The following PCDHA7 variants were observed in gnomAD, a reference collection of about 807,000 sequenced individuals.
PCDHA7 encodes the protein protocadherin alpha-7.
In PCDHA7, 37 loss-of-function variants were observed where a neutral mutation model predicts 57.2. The observed-to-expected ratio is 0.65, with a 90% CI of 0.50 to 0.85. The LOEUF (loss-of-function observed/expected upper bound fraction) is 0.85. PCDHA7 is among the 40% of genes least tolerant of loss of function. PCDHA7 has a pLI of 0.00. For synonymous variants in PCDHA7, 553 were observed against 558.8 expected (o/e 0.99, Z 0.15); for missense variants, 1,188 against 1,241.8 (o/e 0.96, Z 0.65).
intron 1 of PCDHA7, among the ~76,000 whole-genome samples, chr5:140,921,213 G>A (rs759293646): frequency 1.3e-5 from 2 of 151,378 alleles, no homozygotes; most frequent in East Asian, 1.9e-4. Context: ...GATAATTCAC[G>A]TCTTTTTTGC....
chr5:140,863,011 C>T (rs782711409), intron 1 of PCDHA7: 2 of 552,132 alleles, frequency 3.6e-6, no homozygotes, highest in Admixed American at 1.9e-5. Flanking sequence ...CCAGCTATGA[C>T]GCCTGGTTGT....
chr5:140,979,882 A>C (rs1554241172), intron 2 of PCDHA7, among the ~76,000 whole-genome samples: 1 of 152,274 alleles, frequency 6.6e-6, no homozygotes, highest in Non-Finnish European at 1.5e-5. Context: ...TATCAAGTGA[A>C]TATTCACCAA....
intron 1 of PCDHA7, chr5:140,967,457 G>A: frequency 6.2e-7 from 1 of 1,613,614 alleles, no homozygotes; most frequent in Non-Finnish European, 8.5e-7. Context: ...CACAGCCGTG[G>A]ATGGGGGCAT....
chr5:140,839,049 A>G (rs943525046), intron 1 of PCDHA7, among the ~76,000 whole-genome samples: 2 of 152,062 alleles, frequency 1.3e-5, no homozygotes, highest in African/African-American at 4.8e-5. Context: ...TTCAACGTGA[A>G]TAAGGATAGA....
chr5:140,843,462 C>G (rs2150360645), intron 1 of PCDHA7: 5 of 1,596,046 alleles, frequency 3.1e-6, no homozygotes, highest in Non-Finnish European at 3.4e-6. Flanking sequence ...CTGGTGCTCA[C>G]GCTGCTGCTG....
chr5:140,980,933 C>G (rs1376814777), intron 2 of PCDHA7, among the ~76,000 whole-genome samples: 1 of 152,120 alleles, frequency 6.6e-6, no homozygotes, highest in African/African-American at 2.4e-5. Flanking sequence ...CTGCTTTGAG[C>G]TGAGCTGGCT....
At position 140,883,249 on chromosome 5, in the gene PCDHA7, T is replaced by A. The variant is rs145815075; in HGVS notation, c.2355+46511T>A. On this transcript the variant is annotated intron_variant, in intron 1 of 3. Transcript: ENST00000525929. ...CCGTGGAGGCAGTTGACAAAGGAAA[T>A]ATTCCAATGGCGGGTCATTGTACCC... The A allele has an allele frequency of 5.1e-4, 830 of 1,613,870 alleles. 7 individuals carry two copies. In the African/African-American group the frequency reaches 9.0e-3, roughly 18 times the overall value.
Position 140,887,790 on chromosome 5 carries a change from T to C in PCDHA7, c.2355+51052T>C, listed in dbSNP as rs564215639. On this transcript the variant is annotated intron_variant, in intron 1 of 3. Coordinates refer to ENST00000525929, the MANE Select transcript of PCDHA7 (RefSeq NM_018910.3). ...ACAATGACACAGGTCATTGAAGCGT[T>C]CTTTATTTTTGTCCATTTCTTTCTC... Among the ~76,000 whole-genome samples, 4 of 152,288 alleles carry C rather than the reference T, an allele frequency of 2.6e-5. No individual in the cohort carries two copies. The East Asian group carries it at 7.7e-4, about 29-fold the overall frequency.
At position 140,843,722 on chromosome 5, in the gene PCDHA7, C is replaced by T. The variant is rs2150365613; in HGVS notation, c.2355+6984C>T. ...TGTTGATCATGGCCTCAAAGTAAGT[C>T]CATTTAAATTTAGAACTCATAAATT... On this transcript the variant is annotated intron_variant, in intron 1 of 3. Coordinates refer to ENST00000525929, the MANE Select transcript of PCDHA7 (RefSeq NM_018910.3). 2.4e-4 allele frequency: 371 copies of T among 1,561,926 alleles called. 35 individuals carry two copies. The highest frequency in any genetic ancestry group is 1.3e-3 in the East Asian group (56 of 44,658).
Position 140,857,721 on chromosome 5 carries a change from AC to A in PCDHA7, c.2355+20984del, listed in dbSNP as rs1554150568. ...CTGCAGGTGTTCGTGCTGGACGAGA[AC>A]GACAACGCTCCCGCGCTGCTGGCGT... On this transcript the variant is annotated intron_variant, in intron 1 of 3. Transcript: ENST00000525929. 4.4e-6 allele frequency: 7 copies of A among 1,597,360 alleles called. 1 individual carries two copies. In the Admixed American group the frequency reaches 1.0e-4, roughly 23 times the overall value.
intron 1 of PCDHA7, among the ~76,000 whole-genome samples, chr5:140,975,810 A>T (rs1310331964): frequency 7.4e-6 from 1 of 134,690 alleles, no homozygotes; most frequent in African/African-American, 2.5e-5. Context: ...TTATAATTTT[A>T]ATAGGAACTG....
chr5:140,882,331 C>A, intron 1 of PCDHA7: 1 of 1,614,214 alleles, frequency 6.2e-7, no homozygotes, highest in South Asian at 1.1e-5. Context: ...TTCTGATCCT[C>A]GCAGCCTGGG....
At position 140,834,666 on chromosome 5, in the gene PCDHA7, C is replaced by G. The variant is rs2150223813; in HGVS notation, c.283C>G (p.Leu95Val). The G allele has an allele frequency of 1.1e-5, 17 of 1,614,250 alleles. No individual in the cohort carries two copies. In the East Asian group the frequency reaches 3.8e-4, roughly 36 times the overall value. The change falls in exon 1 of 4, where the codon CTG (leucine) becomes GTG (valine). Residue 95 changes from leucine (L) to valine (V), a missense_variant. Leu to Val is a conservative substitution (Grantham distance 32). This residue lies in a region of PCDHA7 where 194 missense variants were observed against 185.8 expected (regional missense o/e 1.04). Transcript: ENST00000525929. ...FVNSRIDREE[L>V]CGRSAECSIH... Reference sequence around the variant, plus strand: ...GAATTCTCGGATCGACCGCGAGGAGCTGTGCGGGCGGAGCGCGGAGTGCAG... The same window carrying G: ...GAATTCTCGGATCGACCGCGAGGAGGTGTGCGGGCGGAGCGCGGAGTGCAG...
At chr5:140,876,815 T>A in intron 1 of PCDHA7, 2 of 1,614,148 alleles carry the variant, frequency 1.2e-6, no homozygotes, top group Non-Finnish European at 1.7e-6. Flanking sequence ...GTGGCCGACG[T>A]GAACGACAAT....
At chr5:140,906,253 A>ACCTC (rs1329710908) in intron 1 of PCDHA7, among the ~76,000 whole-genome samples, 2 of 152,064 alleles carry the variant, frequency 1.3e-5, no homozygotes, top group African/African-American at 4.8e-5. Flanking sequence ...ACCCATACAC[A>ACCTC]CCTCCTGAAA....
At chr5:140,858,750 C>T (rs1397058081) in intron 1 of PCDHA7, 3 of 453,980 alleles carry the variant, frequency 6.6e-6, no homozygotes, top group South Asian at 3.1e-5. Flanking sequence ...AATCACTTTT[C>T]GTTACAAATA....
chr5:140,911,729 C>G (rs571299791), intron 1 of PCDHA7, among the ~76,000 whole-genome samples: 1 of 152,134 alleles, frequency 6.6e-6, no homozygotes, highest in Non-Finnish European at 1.5e-5. Flanking sequence ...GTAAACAGTT[C>G]GTGCCAAGGA....
At chr5:140,915,012 C>T (rs2076943122) in intron 1 of PCDHA7, among the ~76,000 whole-genome samples, 1 of 144,844 alleles carries the variant, frequency 6.9e-6, no homozygotes, top group Non-Finnish European at 1.5e-5. Context: ...GTGGCCTGAT[C>T]TTGGCTCACT....
chr5:140,966,705 G>A, intron 1 of PCDHA7: 1 of 1,379,198 alleles, frequency 7.3e-7, no homozygotes, highest in Non-Finnish European at 9.3e-7. Context: ...CGGGCGTGGG[G>A]CACGGCTGGG....
Sources: allele counts gnomAD v4.1 joint callset (sites outside exome capture counted in the v4.1 genomes callset), GRCh38; gene constraint gnomAD v4.1.1; regional missense constraint gnomAD v4.1.1; transcripts MANE v1.5; gene names NCBI Gene and HGNC (gene_info 2026-07-23, HGNC 2026-07-21).